OCIAD1: variants seen among roughly 807,000 people sequenced by gnomAD.
OCIAD1 encodes the protein OCIA domain-containing protein 1.
Under a neutral mutation model 38.9 loss-of-function variants are expected in OCIAD1, and 29 were observed. The ratio of observed to expected loss-of-function variants is 0.74; its 90% confidence interval spans 0.55 to 1.02. The LOEUF is 1.02. Ranked by LOEUF, OCIAD1 falls within the 50% of genes least tolerant of loss-of-function variation. OCIAD1 has a pLI of 0.00. For missense variants in OCIAD1, 288 were observed against 289.6 expected (o/e 0.99, Z 0.04); for synonymous variants, 110 against 92.0 (o/e 1.20, Z -1.12).
At chr4:48,820,353 T>C (rs1222468475) in intron 1 of OCIAD1, among the ~76,000 whole-genome samples, 3 of 152,030 alleles carry the variant, frequency 2.0e-5, no homozygotes, top group African/African-American at 2.4e-5. Flanking sequence ...TTGAAACCAA[T>C]GAGGACAAAG....
chr4:48,852,882 G>GTTT (rs1439653723), intron 7 of OCIAD1, among the ~76,000 whole-genome samples: 3 of 126,332 alleles, frequency 2.4e-5, no homozygotes, highest in Non-Finnish European at 5.0e-5. Context: ...TTTGTTTTTT[G>GTTT]TTTTTTTTTT....
chr4:48,831,549 G>A (rs1442729033), intron 1 of OCIAD1: 2 of 1,290,568 alleles, frequency 1.5e-6, no homozygotes, highest in South Asian at 2.5e-5. Flanking sequence ...GCGGTTGTAG[G>A]CCGCTTAGGC....
In OCIAD1 at chr4:48,851,950, T is replaced by C; in HGVS notation, c.522T>C (p.Thr174=). ...CTTCTATGAATGAATCTGCTCCCAC[T>C]GGTATTACTGATCATATTGTCCAAG... ...FSSSMNESAP[T]GITDHIVQGP... The change falls in exon 7 of 9, where the codon ACT becomes ACC. Residue 174 remains threonine (T), a synonymous_variant. Transcript: ENST00000264312. The C allele has an allele frequency of 2.5e-6, 4 of 1,608,308 alleles. No homozygotes were observed. Among genetic ancestry groups the C allele is most frequent in the South Asian group, 2.2e-5 (2 of 90,392 alleles).
chr4:48,842,603 G>T, intron 3 of OCIAD1, 33 bp from the exon 4 acceptor site: 1 of 1,448,568 alleles, frequency 6.9e-7, no homozygotes, highest in Non-Finnish European at 9.5e-7. Flanking sequence ...TTTTACTTTT[G>T]TTGATGTTAA....
chr4:48,828,201 AC>A (rs1467277707), upstream of OCIAD1, among the ~76,000 whole-genome samples: 1 of 150,936 alleles, frequency 6.6e-6, no homozygotes, highest in Non-Finnish European at 1.5e-5. Context: ...CTCTGTGTCT[AC>A]CTAATCTAGT....
Position 48,857,273 on chromosome 4 carries a change from G to T in OCIAD1, c.608G>T (p.Arg203Met), listed in dbSNP as rs535878078. ...KRKNITYEEL[R>M]NKNRESYEVS... ...AAAAATATTACATATGAGGAATTAAGGAATAAGAACAGAGAGTCATATGAA... is the reference window on the plus strand; with the variant it reads ...AAAAATATTACATATGAGGAATTAATGAATAAGAACAGAGAGTCATATGAA... Residue 203 changes from arginine to methionine, a missense_variant, in exon 8 of 9, where the codon AGG (arginine) becomes ATG (methionine). Physicochemically the swap from Arg to Met is moderately conservative, Grantham distance 91. Coordinates refer to ENST00000264312, the MANE Select transcript of OCIAD1 (RefSeq NM_017830.4). 1.9e-6 allele frequency: 3 copies of T among 1,591,678 alleles called. No individual in the cohort carries two copies. The highest frequency in any genetic ancestry group is 1.7e-6 in the Non-Finnish European group (2 of 1,168,016).
Position 48,823,824 on chromosome 4 carries a change from C to CTTTTTTTTT in OCIAD1, c.-102-6738_-102-6730dup, listed in dbSNP as rs71660459. Among the ~76,000 whole-genome samples the CTTTTTTTTT allele has an allele frequency of 8.3e-4, 58 of 70,126 alleles. 4 individuals are homozygous for CTTTTTTTTT. Among genetic ancestry groups the CTTTTTTTTT allele is most frequent in the Admixed American group, 2.1e-3 (9 of 4,200 alleles). The allele number at this position is 70,126 out of a possible 152,430, so 46.0% of individuals were successfully genotyped here. A position where few individuals can be genotyped will look rare whatever the true frequency, so the allele number is the denominator to read the frequency against. On this transcript the variant is annotated intron_variant, in intron 1 of 6. Transcript: ENST00000504654. ...ACTGCAGGGGTGCCACAATGCCTGG[C>CTTTTTTTTT]TTTTTTTTTTTTTTTTTTTTTTTGT...
chr4:48,844,353 G>A (rs1365365745), intron 4 of OCIAD1, among the ~76,000 whole-genome samples: 3 of 152,178 alleles, frequency 2.0e-5, no homozygotes, highest in Admixed American at 6.6e-5. Flanking sequence ...GGCTACTTGA[G>A]GGTACGGTAG....
chr4:48,811,607 T>C (rs1429214740), intron 1 of OCIAD1, among the ~76,000 whole-genome samples: 2 of 152,188 alleles, frequency 1.3e-5, no homozygotes, highest in African/African-American at 4.8e-5. Flanking sequence ...GCCAAGATCA[T>C]GCCACTGCAC....
rs879637649 is a variant in OCIAD1, at chr4:48,861,204, ATTATC to A, written c.*446_*450del. 2 of 155,300 alleles carry A rather than the reference ATTATC, an allele frequency of 1.3e-5. No homozygotes were observed. The highest frequency in any genetic ancestry group is 6.5e-5 in the Admixed American group (1 of 15,350). The allele number at this position is 155,300 out of a possible 1,614,324, so 9.6% of individuals were successfully genotyped here. On this transcript the variant is annotated 3_prime_UTR_variant, in exon 9 of 9. Transcript: ENST00000264312. Reference sequence around the variant, plus strand: ...GCTTTTTTTCTCCAGTATTTTCTGTATTATCTTAATGTTTATGGCAAATAAAATGT... The same window carrying A: ...GCTTTTTTTCTCCAGTATTTTCTGTATTAATGTTTATGGCAAATAAAATGT...
chr4:48,806,094 C>G (rs1432012251), intron 1 of OCIAD1, among the ~76,000 whole-genome samples: 1 of 152,064 alleles, frequency 6.6e-6, no homozygotes, highest in East Asian at 1.9e-4. Context: ...TGGTGAAACC[C>G]CATCTCTACT....
chr4:48,815,638 G>A (rs1216560066), intron 1 of OCIAD1, among the ~76,000 whole-genome samples: 2 of 152,208 alleles, frequency 1.3e-5, no homozygotes, highest in Non-Finnish European at 2.9e-5. Context: ...TTCTGATAAT[G>A]TAGACAGGGC....
chr4:48,836,950 A>G (rs759519665), intron 3 of OCIAD1, among the ~76,000 whole-genome samples: 1 of 152,158 alleles, frequency 6.6e-6, no homozygotes. Flanking sequence ...TAAAATTTTC[A>G]TGGCTCATTA....
chr4:48,815,975 T>A lies in OCIAD1; in HGVS notation c.-103+10645T>A, dbSNP rs7685521. 8.5e-3 allele frequency among the ~76,000 whole-genome samples: 1,300 copies of A among 152,356 alleles called. 25 individuals carry two copies. The highest frequency in any genetic ancestry group is 0.029 in the African/African-American group (1,223 of 41,576). ...ATTTTATCCCTATCTGATTGTTTTC[T>A]TTTCATCCCTACTTAGCTTCAATTC... On this transcript the variant is annotated intron_variant, in intron 1 of 6. Coordinates refer to the OCIAD1 transcript ENST00000504654.
At chr4:48,815,662 G>C (rs1038573264) in intron 1 of OCIAD1, among the ~76,000 whole-genome samples, 3 of 152,318 alleles carry the variant, frequency 2.0e-5, no homozygotes, top group Non-Finnish European at 1.5e-5. Flanking sequence ...CTCAGTTCTT[G>C]TAAAATTCTC....
intron 1 of OCIAD1, among the ~76,000 whole-genome samples, chr4:48,820,097 C>T (rs1171957902): frequency 6.6e-6 from 1 of 152,180 alleles, no homozygotes; most frequent in East Asian, 1.9e-4. Context: ...ACGGAGTATA[C>T]ATTCTTCTCA....
intron 1 of OCIAD1, among the ~76,000 whole-genome samples, chr4:48,820,467 C>T (rs1777183928): frequency 1.3e-5 from 2 of 152,164 alleles, no homozygotes; most frequent in African/African-American, 4.8e-5. Flanking sequence ...CTAAAATCAA[C>T]ACACTAACAT....
chr4:48,855,474 C>G (rs959018712), intron 7 of OCIAD1, among the ~76,000 whole-genome samples: 3 of 152,114 alleles, frequency 2.0e-5, no homozygotes, highest in Non-Finnish European at 4.4e-5. Context: ...TTTAAATCCT[C>G]TTTGCTTTAT....
At chr4:48,821,080 T>C (rs879222718) in intron 1 of OCIAD1, among the ~76,000 whole-genome samples, 1 of 152,206 alleles carries the variant, frequency 6.6e-6, no homozygotes, top group South Asian at 2.1e-4. Context: ...TATGAAAACC[T>C]GGCAGAGACA....
Sources: allele counts gnomAD v4.1 joint callset (sites outside exome capture counted in the v4.1 genomes callset), GRCh38; gene constraint gnomAD v4.1.1; transcripts MANE v1.5; gene names NCBI Gene and HGNC (gene_info 2026-07-23, HGNC 2026-07-21).